Variants in OLFM3 observed in about 807,000 individuals in gnomAD.
OLFM3 encodes the protein noelin-3.
In OLFM3, 20 loss-of-function variants were observed where a neutral mutation model predicts 48.6. The ratio of observed to expected loss-of-function variants is 0.41; its 90% CI spans 0.29 to 0.60. The LOEUF is 0.60. Among genes scored for constraint, OLFM3 ranks in the 20% least tolerant of loss-of-function variants. The probability of loss-of-function intolerance (pLI) is 0.28; values close to 1 mark genes in which losing one functional copy is unlikely to be tolerated. For synonymous variants in OLFM3, 222 were observed against 198.1 expected, an observed-to-expected ratio of 1.12 and a Z score of -1.01; for missense variants, 437 against 544.3, an observed-to-expected ratio of 0.80 and a Z score of 1.96.
chr1:101,875,728 A>T (rs1345179058), intron 1 of OLFM3, among the ~76,000 whole-genome samples: 1 of 151,734 alleles, frequency 6.6e-6, no homozygotes, highest in Non-Finnish European at 1.5e-5. Flanking sequence ...TCAAAGCCAT[A>T]TCAAGAGCTC....
intron 4 of OLFM3, among the ~76,000 whole-genome samples, chr1:101,813,815 T>A (rs970460903): frequency 6.6e-6 from 1 of 152,184 alleles, no homozygotes; most frequent in South Asian, 2.1e-4. Flanking sequence ...TGGAGTCAAA[T>A]CCTTTGGGTA....
At chr1:101,962,745 CA>C (rs1660503473) in intron 1 of OLFM3, among the ~76,000 whole-genome samples, 1 of 152,180 alleles carries the variant, frequency 6.6e-6, no homozygotes, top group African/African-American at 2.4e-5. Context: ...AGTCTGGCTT[CA>C]AACTGAAAAA....
chr1:101,932,947 T>C (rs1570642788), intron 1 of OLFM3, among the ~76,000 whole-genome samples: 1 of 152,184 alleles, frequency 6.6e-6, no homozygotes, highest in East Asian at 1.9e-4. Flanking sequence ...CTCACACCTG[T>C]AATCCCAGCA....
intron 1 of OLFM3, among the ~76,000 whole-genome samples, chr1:101,872,324 G>C (rs1418713234): frequency 1.3e-5 from 2 of 151,946 alleles, no homozygotes; most frequent in Non-Finnish European, 2.9e-5. Flanking sequence ...AATAGATCTG[G>C]TAAAGTTAGG....
chr1:101,904,692 A>G (rs1658497074), intron 1 of OLFM3, among the ~76,000 whole-genome samples: 2 of 152,112 alleles, frequency 1.3e-5, no homozygotes, highest in African/African-American at 4.8e-5. Context: ...TTTTCCAAAG[A>G]GATTTTCTTC....
intron 1 of OLFM3, among the ~76,000 whole-genome samples, chr1:101,979,681 C>T (rs922749375): frequency 6.6e-6 from 1 of 152,272 alleles, no homozygotes; most frequent in African/African-American, 2.4e-5. Flanking sequence ...TCATGGAAAA[C>T]CTCTGCTAGG....
chr1:101,881,111 C>T (rs931153494), intron 1 of OLFM3, among the ~76,000 whole-genome samples: 9 of 151,906 alleles, frequency 5.9e-5, no homozygotes, highest in African/African-American at 1.4e-4. Flanking sequence ...GTTTGTGTTA[C>T]ATGACTTTGA....
chr1:101,967,590 GA>G (rs71592233), intron 1 of OLFM3, among the ~76,000 whole-genome samples: 10,361 of 43,746 alleles, frequency 0.24, 393 homozygotes, highest in Middle Eastern at 0.32. Flanking sequence ...CCTAGTCAGT[GA>G]AAAAAAAAAA....
At chr1:101,853,744 C>T (rs1044028049) in intron 1 of OLFM3, among the ~76,000 whole-genome samples, 1 of 152,008 alleles carries the variant, frequency 6.6e-6, no homozygotes, top group African/African-American at 2.4e-5. Flanking sequence ...CAATGTATTC[C>T]AGTATTGTGT....
At chr1:101,969,412 C>T (rs572142448) in intron 1 of OLFM3, among the ~76,000 whole-genome samples, 11 of 152,022 alleles carry the variant, frequency 7.2e-5, no homozygotes, top group Middle Eastern at 3.4e-3. Flanking sequence ...AGTGATCTGC[C>T]CACCTCAGCC....
chr1:101,824,988 A>G (rs756029832), intron 4 of OLFM3, 38 bp downstream of exon 4: 1 of 1,558,108 alleles, frequency 6.4e-7, no homozygotes, highest in East Asian at 2.2e-5. Flanking sequence ...GAAACTATAT[A>G]AAAACGTAAC....
chr1:101,899,966 T>A (rs1373467000), intron 1 of OLFM3, among the ~76,000 whole-genome samples: 2 of 152,202 alleles, frequency 1.3e-5, no homozygotes, highest in Non-Finnish European at 2.9e-5. Context: ...AACCCTTTTC[T>A]GTCATATTAT....
intron 1 of OLFM3, among the ~76,000 whole-genome samples, chr1:101,839,720 G>A (rs1402223600): frequency 6.6e-6 from 1 of 152,120 alleles, no homozygotes; most frequent in East Asian, 1.9e-4. Flanking sequence ...CATGTCAGTT[G>A]CTCTCTGGAA....
intron 1 of OLFM3, among the ~76,000 whole-genome samples, chr1:101,990,421 G>C (rs1279727321): frequency 6.6e-6 from 1 of 152,062 alleles, no homozygotes; most frequent in Admixed American, 6.5e-5. Flanking sequence ...GATGTAAGTG[G>C]AATATTTGCA....
intron 1 of OLFM3, among the ~76,000 whole-genome samples, chr1:101,976,839 A>G (rs765337655): frequency 1.8e-4 from 27 of 152,168 alleles, no homozygotes; most frequent in Non-Finnish European, 1.3e-4. Context: ...CTAAGAATCT[A>G]AATTACTCTA....
At chr1:101,917,990 A>G (rs368476661) in intron 1 of OLFM3, among the ~76,000 whole-genome samples, 2 of 151,904 alleles carry the variant, frequency 1.3e-5, no homozygotes, top group African/African-American at 4.8e-5. Flanking sequence ...AACATTGATT[A>G]AAAAAAACCA....
At chr1:101,933,201 C>CA (rs761881274) in intron 1 of OLFM3, among the ~76,000 whole-genome samples, 1,443 of 40,104 alleles carry the variant, frequency 0.036, 170 homozygotes, top group South Asian at 0.051. Context: ...GACTCCATCT[C>CA]AAAAAAAAAA....
chr1:101,813,860 C>A, intron 4 of OLFM3, among the ~76,000 whole-genome samples: 1 of 152,118 alleles, frequency 6.6e-6, no homozygotes, highest in East Asian at 1.9e-4. Context: ...AAGAAACATA[C>A]TTTAAACGAA....
intron 1 of OLFM3, among the ~76,000 whole-genome samples, chr1:101,903,426 A>G (rs2101020465): frequency 6.6e-6 from 1 of 152,212 alleles, no homozygotes; most frequent in East Asian, 1.9e-4. Flanking sequence ...CCTGAGAGAA[A>G]GATTTAATAC....
Sources: gnomAD v4.1 joint callset for allele counts (sites outside exome capture counted in the v4.1 genomes callset) on GRCh38, gnomAD v4.1.1 for gene constraint, MANE v1.5 for transcripts, NCBI Gene and HGNC (gene_info 2026-07-23, HGNC 2026-07-21) for gene names.